The following CCBE1 variants were observed in gnomAD, a reference collection of about 807,000 sequenced individuals.
CCBE1 encodes collagen and calcium binding EGF domains 1, also known as collagen and calcium-binding EGF domain-containing protein 1.
Under a neutral mutation model 50.0 loss-of-function variants are expected in CCBE1, and 37 were observed. The observed-to-expected ratio is 0.74, with a 90% CI of 0.57 to 0.97. The LOEUF is 0.97. CCBE1 is among the 50% of genes least tolerant of loss of function. The probability of loss-of-function intolerance (pLI) is 0.00; values close to 1 mark genes in which losing one functional copy is unlikely to be tolerated. For synonymous variants in CCBE1, 234 were observed against 203.7 expected, an observed-to-expected ratio of 1.15 and a Z score of -1.27; for missense variants, 538 against 523.8, an observed-to-expected ratio of 1.03 and a Z score of -0.26.
At chr18:59,600,262 G>T (rs2144557493) in intron 2 of CCBE1, among the ~76,000 whole-genome samples, 1 of 151,838 alleles carries the variant, frequency 6.6e-6, no homozygotes, top group African/African-American at 2.4e-5. Flanking sequence ...AGCTGTGTAT[G>T]TGAGGGATGT....
At position 59,439,580 on chromosome 18, in the gene CCBE1, T is replaced by C. The variant is rs367990953; in HGVS notation, c.916-2A>G. On this transcript the variant is annotated splice_acceptor_variant, in intron 8 of 10. Coordinates refer to ENST00000439986, the MANE Select transcript of CCBE1 (RefSeq NM_133459.4). LOFTEE classifies it high-confidence loss of function. Reference sequence around the variant, plus strand: ...TCTTCCTGGTGCCCCTGGTGGACCCTGTAATACAAAAGGATCTGGTTTAAC... The same window carrying C: ...TCTTCCTGGTGCCCCTGGTGGACCCCGTAATACAAAAGGATCTGGTTTAAC... The C allele has an allele frequency of 7.1e-5, 115 of 1,614,150 alleles. No homozygotes were observed. The highest frequency in any genetic ancestry group is 5.7e-5 in the Non-Finnish European group (67 of 1,180,056).
At chr18:59,685,515 A>G (rs962834771) in intron 2 of CCBE1, among the ~76,000 whole-genome samples, 2 of 152,212 alleles carry the variant, frequency 1.3e-5, no homozygotes, top group African/African-American at 4.8e-5. Context: ...TCTGACAAAG[A>G]ACCAGGCTGC....
rs895260758 is a variant in CCBE1, at chr18:59,603,892, G to A, written c.212+92737C>T. On this transcript the variant is annotated intron_variant, in intron 2 of 10. Coordinates refer to ENST00000439986, the MANE Select transcript of CCBE1 (RefSeq NM_133459.4). ...AGCTCTGTCCTGACCTCCTCAGGCC[G>A]AAAGGTCCTCAACCTCTCGATGACT... Among the ~76,000 whole-genome samples the A allele has an allele frequency of 2.6e-5, 4 of 152,324 alleles. No homozygotes were observed. In the East Asian group the frequency reaches 5.8e-4, roughly 22 times the overall value.
At chr18:59,503,049 C>T (rs1913700373) in intron 2 of CCBE1, among the ~76,000 whole-genome samples, 1 of 152,198 alleles carries the variant, frequency 6.6e-6, no homozygotes, top group Non-Finnish European at 1.5e-5. Flanking sequence ...ATGTGCTCAA[C>T]TGTTTTTCTT....
At chr18:59,491,999 GC>G (rs1913126671) in intron 2 of CCBE1, among the ~76,000 whole-genome samples, 1 of 151,588 alleles carries the variant, frequency 6.6e-6, no homozygotes, top group Non-Finnish European at 1.5e-5. Context: ...ACAAAATTTA[GC>G]CAGGTATGGT....
intron 2 of CCBE1, among the ~76,000 whole-genome samples, chr18:59,524,939 TG>T (rs1914758509): frequency 6.6e-6 from 1 of 152,208 alleles, no homozygotes; most frequent in African/African-American, 2.4e-5. Flanking sequence ...TTCCTTTTAA[TG>T]GCTGTATAGT....
chr18:59,646,594 C>T (rs1024414043), intron 2 of CCBE1, among the ~76,000 whole-genome samples: 1 of 152,192 alleles, frequency 6.6e-6, no homozygotes, highest in Admixed American at 6.5e-5. Flanking sequence ...CGAGATTAAA[C>T]ACAGAATTTC....
chr18:59,535,287 G>A (rs1915204858), intron 2 of CCBE1, among the ~76,000 whole-genome samples: 1 of 152,178 alleles, frequency 6.6e-6, no homozygotes, highest in Non-Finnish European at 1.5e-5. Flanking sequence ...ACTTACTGAA[G>A]GGGAGGCACT....
Position 59,546,933 on chromosome 18 carries a change from G to A in CCBE1, c.213-66695C>T, listed in dbSNP as rs567159658. 4.0e-5 allele frequency among the ~76,000 whole-genome samples: 6 copies of A among 151,758 alleles called. No homozygotes were observed. In the South Asian group the frequency reaches 1.2e-3, roughly 32 times the overall value. On this transcript the variant is annotated intron_variant, in intron 2 of 10. Transcript: ENST00000439986. ...AGTAAAACAGATTAAAAGAAGAAAG[G>A]TAGGTGAATTTGTTAGTAAAATATT...
intron 2 of CCBE1, among the ~76,000 whole-genome samples, chr18:59,552,925 C>T (rs1404111861): frequency 6.6e-6 from 1 of 152,168 alleles, no homozygotes; most frequent in Non-Finnish European, 1.5e-5. Flanking sequence ...ACCTGTCCAG[C>T]CATACAAAGA....
chr18:59,581,849 C>T (rs537833640), intron 2 of CCBE1, among the ~76,000 whole-genome samples: 1 of 152,072 alleles, frequency 6.6e-6, no homozygotes, highest in Admixed American at 6.5e-5. Flanking sequence ...TTGCCCAAAG[C>T]CCCCACCTCC....
At chr18:59,457,047 C>G (rs1317003595) in intron 5 of CCBE1, among the ~76,000 whole-genome samples, 1 of 152,200 alleles carries the variant, frequency 6.6e-6, no homozygotes, top group East Asian at 1.9e-4. Context: ...GTTGAATATA[C>G]AGGGTCAACA....
chr18:59,583,996 C>T (rs1183085948), intron 2 of CCBE1, among the ~76,000 whole-genome samples: 1 of 152,034 alleles, frequency 6.6e-6, no homozygotes, highest in African/African-American at 2.4e-5. Flanking sequence ...CATCCCATTA[C>T]TGGGTATATA....
intron 2 of CCBE1, among the ~76,000 whole-genome samples, chr18:59,638,077 A>G (rs1226636229): frequency 7.2e-5 from 11 of 152,230 alleles, no homozygotes; most frequent in Non-Finnish European, 1.6e-4. Flanking sequence ...AAAATATCGG[A>G]AAACTGTTTC....
intron 2 of CCBE1, among the ~76,000 whole-genome samples, chr18:59,505,398 C>A (rs890111447): frequency 2.0e-5 from 3 of 152,152 alleles, no homozygotes; most frequent in African/African-American, 7.2e-5. Flanking sequence ...TGGGTGATTG[C>A]AATTGTATAC....
chr18:59,658,721 A>T (rs2054239756), intron 2 of CCBE1, among the ~76,000 whole-genome samples: 1 of 151,432 alleles, frequency 6.6e-6, no homozygotes, highest in Non-Finnish European at 1.5e-5. Flanking sequence ...CTCTACTGAA[A>T]ATACAAAAAT....
Position 59,441,935 on chromosome 18 carries a change from G to C in CCBE1, c.776-2119C>G, listed in dbSNP as rs141237602. Among the ~76,000 whole-genome samples the C allele has an allele frequency of 2.1e-3, 313 of 152,282 alleles. 2 individuals are homozygous for C. The highest frequency in any genetic ancestry group is 6.9e-3 in the African/African-American group (285 of 41,562). ...CCCTACAGTGGCTCCCCTCTGCATA[G>C]AGAATAAAGCTCTAACTCCTCAGCA... On this transcript the variant is annotated intron_variant, in intron 7 of 10. Transcript: ENST00000439986.
chr18:59,457,118 G>C (rs1467873251), intron 5 of CCBE1, among the ~76,000 whole-genome samples: 1 of 152,188 alleles, frequency 6.6e-6, no homozygotes, highest in Non-Finnish European at 1.5e-5. Flanking sequence ...CTCTGCAAAA[G>C]TGGCAGTTTT....
intron 4 of CCBE1, 125 bp downstream of exon 4, chr18:59,469,348 C>T: frequency 7.7e-7 from 1 of 1,292,902 alleles, no homozygotes; most frequent in Non-Finnish European, 1.1e-6. Flanking sequence ...GATAAGCTAT[C>T]CCTAGGATAA....
Sources: allele counts gnomAD v4.1 joint callset (sites outside exome capture counted in the v4.1 genomes callset), GRCh38; gene constraint gnomAD v4.1.1; transcripts MANE v1.5; gene names NCBI Gene and HGNC (gene_info 2026-07-23, HGNC 2026-07-21).